Variants in PALS1 observed in about 807,000 individuals in gnomAD.
PALS1 encodes protein associated with LIN7 1, MAGUK p55 family member, also known as protein PALS1.
A neutral mutation model predicts 78.9 loss-of-function variants in PALS1; 31 were observed. The observed-to-expected ratio is 0.39, with a 90% CI of 0.30 to 0.53. The LOEUF (loss-of-function observed/expected upper bound fraction) is 0.53, where lower values mean the gene tolerates loss of function less well. Ranked by LOEUF, PALS1 falls within the 20% of genes least tolerant of loss-of-function variation. The pLI is 0.67. For missense variants in PALS1, 704 were observed against 826.5 expected, an observed-to-expected ratio of 0.85 and a Z score of 1.82; for synonymous variants, 276 against 270.9, an observed-to-expected ratio of 1.02 and a Z score of -0.18.
At chr14:67,313,634 T>TA (rs1241300239) in intron 9 of PALS1, among the ~76,000 whole-genome samples, 1 of 152,100 alleles carries the variant, frequency 6.6e-6, no homozygotes, top group East Asian at 1.9e-4. Context: ...AAAATAGGGA[T>TA]ATAGAGTAAA....
chr14:67,259,440 G>A (rs1056835660), intron 1 of PALS1, among the ~76,000 whole-genome samples: 19 of 151,552 alleles, frequency 1.3e-4, no homozygotes, highest in Non-Finnish European at 1.6e-4. Flanking sequence ...GTGAAACCCC[G>A]TCTCTACTAA....
intron 1 of PALS1, among the ~76,000 whole-genome samples, chr14:67,260,874 CAG>C (rs1010327639): frequency 2.0e-5 from 3 of 151,962 alleles, no homozygotes; most frequent in Admixed American, 6.6e-5. Flanking sequence ...ATTCAGAAGA[CAG>C]GGGAGGGAGA....
intron 7 of PALS1, 124 bp downstream of exon 7, chr14:67,302,695 G>A (rs1217581738): frequency 4.1e-6 from 3 of 723,812 alleles, no homozygotes; most frequent in Non-Finnish European, 6.0e-6. Context: ...ATTTTTCCAT[G>A]ATGTAACTGT....
intron 1 of PALS1, among the ~76,000 whole-genome samples, chr14:67,256,355 T>C (rs1595563858): frequency 1.3e-5 from 2 of 152,294 alleles, no homozygotes; most frequent in East Asian, 3.9e-4. Flanking sequence ...CTTCATGCTC[T>C]AGTAGTCACA....
At chr14:67,320,780 G>A (rs1162161636) in intron 12 of PALS1, among the ~76,000 whole-genome samples, 1 of 152,154 alleles carries the variant, frequency 6.6e-6, no homozygotes, top group Non-Finnish European at 1.5e-5. Context: ...AAGATGAGTA[G>A]TAGTGTTTTA....
rs1491090879 is a variant in PALS1, at chr14:67,289,768, C to CTTTTTTTTTTTTTTTTTTTT, written c.368-2743_368-2742insTTTTTTTTTTTTTTTTTTTT. On this transcript the variant is annotated intron_variant, in intron 3 of 14. Transcript: ENST00000261681. Reference sequence around the variant, plus strand: ...ACATTGGGAAGATTTTTTTCCATGTCCTTTTTTTTTTTTTTTTTTTTTGAG... The same window carrying CTTTTTTTTTTTTTTTTTTTT: ...ACATTGGGAAGATTTTTTTCCATGTCTTTTTTTTTTTTTTTTTTTTCTTTTTTTTTTTTTTTTTTTTTGAG... Among the ~76,000 whole-genome samples, 5 of 95,508 alleles carry CTTTTTTTTTTTTTTTTTTTT rather than the reference C, an allele frequency of 5.2e-5. 2 individuals carry two copies. The highest frequency in any genetic ancestry group is 2.1e-5 in the Non-Finnish European group (1 of 46,860). 62.7% of individuals were successfully genotyped at this position (95,508 alleles called of 152,430 possible).
chr14:67,263,544 CCTCTCTT>C (rs1237904765), intron 1 of PALS1, among the ~76,000 whole-genome samples: 1 of 152,112 alleles, frequency 6.6e-6, no homozygotes, highest in Non-Finnish European at 1.5e-5. Flanking sequence ...AAAGATTTTC[CCTCTCTT>C]CTCTTAGTAT....
chr14:67,325,127 G>A (rs1422485401), intron 14 of PALS1, among the ~76,000 whole-genome samples: 1 of 151,800 alleles, frequency 6.6e-6, no homozygotes, highest in Admixed American at 6.6e-5. Flanking sequence ...GGATGGTCTT[G>A]ATCTCCTGAC....
chr14:67,315,182 C>T (rs951726870), intron 9 of PALS1, among the ~76,000 whole-genome samples: 3 of 151,152 alleles, frequency 2.0e-5, no homozygotes, highest in African/African-American at 7.3e-5. Flanking sequence ...CACAGAAGTA[C>T]ATCATTGTAA....
chr14:67,325,185 G>A (rs1029243050), intron 14 of PALS1, among the ~76,000 whole-genome samples: 3 of 152,072 alleles, frequency 2.0e-5, no homozygotes, highest in Admixed American at 6.6e-5. Context: ...GATTACAGGC[G>A]TGAGCCACCA....
In PALS1 at chr14:67,301,988, A is replaced by G. The variant is rs1171217965; in HGVS notation, c.671A>G (p.His224Arg). The change falls in exon 6 of 15, where the codon CAC (histidine) becomes CGC (arginine). Residue 224 changes from histidine (H) to arginine (R), a missense_variant. His to Arg is a conservative substitution (Grantham distance 29, BLOSUM62 0). Transcript: ENST00000261681. ...TTGAAACAGGCACTTTTACTGGCCCACGATAAGGTTGCTGAGCAGGAAATG... is the reference window on the plus strand; with the variant it reads ...TTGAAACAGGCACTTTTACTGGCCCGCGATAAGGTTGCTGAGCAGGAAATG... ...TPHIQALLLAHDKVAEQEMQL... is the reference protein window; with the variant it reads ...TPHIQALLLARDKVAEQEMQL... 6.3e-7 allele frequency: 1 copy of G among 1,595,514 alleles called. No homozygotes were observed.
chr14:67,302,440 G>A lies in PALS1; in HGVS notation c.832G>A (p.Val278Ile). ...GATVRNEMDS[V>I]IISRIVKGGA... ...TACAGTTCGTAATGAAATGGACTCT[G>A]TCATCATTAGCCGGATAGTAAAAGG... The change falls in exon 7 of 15, where the codon GTC becomes ATC. Residue 278 changes from valine to isoleucine, a missense_variant. Coordinates refer to ENST00000261681, the MANE Select transcript of PALS1 (RefSeq NM_022474.4). The A allele has an allele frequency of 1.9e-6, 3 of 1,597,382 alleles. No individual in the cohort carries two copies. The highest frequency in any genetic ancestry group is 2.3e-5 in the East Asian group (1 of 43,866).
chr14:67,249,191 A>G lies in PALS1; in HGVS notation c.-237+7658A>G, dbSNP rs561040855. ...TGGCCAGGCTGGTCTTGAACTCCTG[A>G]CCTCAGGTGATTTGCACGTCTCGGC... On this transcript the variant is annotated intron_variant, in intron 1 of 14. Coordinates refer to ENST00000261681, the MANE Select transcript of PALS1 (RefSeq NM_022474.4). Among the ~76,000 whole-genome samples, 240 of 151,030 alleles carry G rather than the reference A, an allele frequency of 1.6e-3. 2 individuals are homozygous for G. Among genetic ancestry groups the G allele is most frequent in the Non-Finnish European group, 2.8e-3 (188 of 67,736 alleles).
chr14:67,272,571 C>A (rs541014549), intron 2 of PALS1, among the ~76,000 whole-genome samples: 1 of 152,264 alleles, frequency 6.6e-6, no homozygotes, highest in African/African-American at 2.4e-5. Flanking sequence ...TGACTTCTTT[C>A]TCCTCCTCCT....
At chr14:67,302,199 T>G (rs529797290) in intron 6 of PALS1, 81 bp downstream of exon 6, 1 of 1,420,220 alleles carries the variant, frequency 7.0e-7, no homozygotes, top group Non-Finnish European at 9.4e-7. Context: ...ATTTCAGAAT[T>G]CTAATGAATA....
rs113281772 is a variant in PALS1, at chr14:67,286,813, C to T, written c.368-5698C>T. ...TTGAGGCTGCAGTGAGCTCTGATTA[C>T]GCCACTGCACTCCAGCGTGGTGACA... On this transcript the variant is annotated intron_variant, in intron 3 of 14. Coordinates refer to ENST00000261681, the MANE Select transcript of PALS1 (RefSeq NM_022474.4). Among the ~76,000 whole-genome samples, 1,108 of 145,140 alleles carry T rather than the reference C, an allele frequency of 7.6e-3. 14 individuals are homozygous for T. The highest frequency in any genetic ancestry group is 0.026 in the African/African-American group (993 of 38,488).
chr14:67,255,877 G>A (rs2084137653), intron 1 of PALS1, among the ~76,000 whole-genome samples: 4 of 152,152 alleles, frequency 2.6e-5, no homozygotes, highest in Non-Finnish European at 5.9e-5. Flanking sequence ...AGTAGAGACG[G>A]GGTTTCACCA....
At chr14:67,284,438 A>AAAAAAAAAAAAAAAAAC (rs1329419021) in intron 3 of PALS1, among the ~76,000 whole-genome samples, 1 of 145,810 alleles carries the variant, frequency 6.9e-6, no homozygotes, top group Non-Finnish European at 1.5e-5. Context: ...TTAAAAAAAA[A>AAAAAAAAAAAAAAAAAC]AAAAAACAGC....
intron 1 of PALS1, among the ~76,000 whole-genome samples, chr14:67,245,473 AT>A (rs2083972763): frequency 6.6e-6 from 1 of 152,048 alleles, no homozygotes; most frequent in South Asian, 2.1e-4. Flanking sequence ...CCATTTTTAA[AT>A]TGGATTATTG....
Sources: gnomAD v4.1 joint callset for allele counts (sites outside exome capture counted in the v4.1 genomes callset) on GRCh38, gnomAD v4.1.1 for gene constraint, MANE v1.5 for transcripts, NCBI Gene and HGNC (gene_info 2026-07-23, HGNC 2026-07-21) for gene names.